CUX2: variants seen among roughly 807,000 people sequenced by gnomAD.
The protein encoded by CUX2 is cut like homeobox 2, also known as homeobox protein cut-like 2.
A neutral mutation model predicts 144.8 loss-of-function variants in CUX2; 40 were observed. The observed-to-expected ratio is 0.28, with a 90% CI of 0.21 to 0.36. CUX2 has a LOEUF of 0.36. Among genes scored for constraint, CUX2 ranks in the 10% least tolerant of loss-of-function variants. CUX2 has a pLI of 1.00. For synonymous variants in CUX2, 827 were observed against 875.6 expected (o/e 0.94, Z 0.98); for missense variants, 1,615 against 1,994.0 (o/e 0.81, Z 3.62).
rs377177976 is a variant in CUX2, at chr12:111,118,375, C to T, written c.63+84135C>T. ...CAACATGTTAAAGCATGATAGAGTG[C>T]CCCTGTACATCTCTCCCTAGCTGTG... is the stretch of plus-strand genomic sequence containing the variant. On this transcript the variant is annotated intron_variant, in intron 1 of 21. Transcript: ENST00000261726. Among the ~76,000 whole-genome samples, 5 of 152,250 alleles carry T rather than the reference C, an allele frequency of 3.3e-5. No individual in the cohort carries two copies. The South Asian group carries it at 1.0e-3, about 32-fold the overall frequency.
At chr12:111,115,632 C>T (rs1369499361) in intron 1 of CUX2, among the ~76,000 whole-genome samples, 1 of 152,128 alleles carries the variant, frequency 6.6e-6, no homozygotes, top group East Asian at 1.9e-4. Flanking sequence ...TGCTCTTCCC[C>T]TGCTTACTCT....
intron 1 of CUX2, among the ~76,000 whole-genome samples, chr12:111,086,128 T>C (rs1276264950): frequency 6.6e-6 from 1 of 152,196 alleles, no homozygotes. Context: ...TCATAGTAAT[T>C]ACCCCCACCA....
At chr12:111,274,962 A>C (rs894903428) in intron 4 of CUX2, among the ~76,000 whole-genome samples, 14 of 151,914 alleles carry the variant, frequency 9.2e-5, no homozygotes, top group Non-Finnish European at 1.6e-4. Flanking sequence ...AAAAAAAAAA[A>C]ACAAAAAAAC....
intron 1 of CUX2, among the ~76,000 whole-genome samples, chr12:111,082,022 T>C (rs983378355): frequency 6.6e-6 from 1 of 152,222 alleles, no homozygotes; most frequent in Non-Finnish European, 1.5e-5. Flanking sequence ...TTGCTCTTCC[T>C]TGGGGTGGTG....
At chr12:111,235,563 A>G (rs1328439731) in intron 3 of CUX2, among the ~76,000 whole-genome samples, 1 of 152,118 alleles carries the variant, frequency 6.6e-6, no homozygotes, top group Non-Finnish European at 1.5e-5. Flanking sequence ...TGTACTAAAA[A>G]TACAAAAATT....
chr12:111,296,337 A>C (rs1885988382), intron 7 of CUX2, 136 bp from the exon 8 acceptor site: 2 of 686,452 alleles, frequency 2.9e-6, no homozygotes, highest in Middle Eastern at 4.1e-4. Flanking sequence ...TCTGACTGAG[A>C]GAAAGATCTC....
chr12:111,281,213 C>G (rs916762620), intron 4 of CUX2, among the ~76,000 whole-genome samples: 2 of 152,204 alleles, frequency 1.3e-5, no homozygotes. Context: ...ACCTGTCCCC[C>G]CCATCTCCCC....
chr12:111,231,628 C>T (rs1473942324), intron 3 of CUX2, among the ~76,000 whole-genome samples: 2 of 152,234 alleles, frequency 1.3e-5, no homozygotes, highest in Non-Finnish European at 2.9e-5. Flanking sequence ...TATTAGAACA[C>T]AGTCCATTTG....
At chr12:111,271,791 AG>A (rs1183562472) in intron 4 of CUX2, among the ~76,000 whole-genome samples, 1 of 152,216 alleles carries the variant, frequency 6.6e-6, no homozygotes, top group Admixed American at 6.6e-5. Context: ...TCCTTAGCCC[AG>A]AGAGTGGATT....
intron 8 of CUX2, 59 bp from the exon 9 acceptor site, chr12:111,298,482 G>T: frequency 6.5e-7 from 1 of 1,528,376 alleles, no homozygotes; most frequent in Non-Finnish European, 8.8e-7. Flanking sequence ...GTGTCAGGAG[G>T]GGCGGGGGCC....
chr12:111,066,935 C>T (rs1250702367), intron 1 of CUX2, among the ~76,000 whole-genome samples: 1 of 152,206 alleles, frequency 6.6e-6, no homozygotes, highest in African/African-American at 2.4e-5. Flanking sequence ...GGCCAAGCAC[C>T]TGGTACATGG....
intron 18 of CUX2, among the ~76,000 whole-genome samples, chr12:111,333,130 A>G (rs1888193589): frequency 6.6e-6 from 1 of 152,084 alleles, no homozygotes; most frequent in African/African-American, 2.4e-5. Flanking sequence ...AATCTCTTGA[A>G]CCCGTGAGGT....
intron 4 of CUX2, 30 bp from the exon 5 acceptor site, chr12:111,291,388 C>A: frequency 6.3e-7 from 1 of 1,577,090 alleles, no homozygotes; most frequent in Non-Finnish European, 8.6e-7. Flanking sequence ...ATCAGGCCCT[C>A]ACTATCCCTG....
At chr12:111,127,296 A>G (rs1340200580) in intron 1 of CUX2, among the ~76,000 whole-genome samples, 1 of 152,170 alleles carries the variant, frequency 6.6e-6, no homozygotes, top group Non-Finnish European at 1.5e-5. Flanking sequence ...AAGTGACCCA[A>G]CTTTCATTCC....
chr12:111,321,112 T>C (rs948928002), intron 17 of CUX2, among the ~76,000 whole-genome samples: 2 of 151,838 alleles, frequency 1.3e-5, no homozygotes, highest in Non-Finnish European at 2.9e-5. Context: ...TGGGAAGATC[T>C]CTTGAGCCCA....
chr12:111,342,122 G>T (rs1888605314), intron 21 of CUX2, 69 bp downstream of exon 21: 1 of 1,530,570 alleles, frequency 6.5e-7, no homozygotes, highest in Non-Finnish European at 8.8e-7. Flanking sequence ...CCATCCCAGG[G>T]CCTGGAGGGA....
chr12:111,232,716 G>A (rs73197978), intron 3 of CUX2, among the ~76,000 whole-genome samples: 9,811 of 152,172 alleles, frequency 0.064, 337 homozygotes, highest in South Asian at 0.1. Context: ...ACCCCTTACA[G>A]GGAAAGTTTG....
At position 111,276,957 on chromosome 12, in the gene CUX2, A is replaced by G. The variant is rs569682475; in HGVS notation, c.301+13118A>G. ...CCACCGCACCCGGCCAGTTGTTTCC[A>G]TATTTTAAGTGAGATATAGAGATAT... On this transcript the variant is annotated intron_variant, in intron 4 of 21. Transcript: ENST00000261726. Among the ~76,000 whole-genome samples, 27 of 152,302 alleles carry G rather than the reference A, an allele frequency of 1.8e-4. No individual in the cohort carries two copies. The South Asian group carries it at 3.9e-3, about 22-fold the overall frequency.
At chr12:111,333,693 T>C (rs1888214192) in intron 18 of CUX2, among the ~76,000 whole-genome samples, 2 of 152,074 alleles carry the variant, frequency 1.3e-5, no homozygotes, top group African/African-American at 4.8e-5. Context: ...TGATTGGTGA[T>C]AGTAACTTGG....
Sources: allele counts gnomAD v4.1 joint callset (sites outside exome capture counted in the v4.1 genomes callset), GRCh38; gene constraint gnomAD v4.1.1; transcripts MANE v1.5; gene names NCBI Gene and HGNC (gene_info 2026-07-23, HGNC 2026-07-21).